ABCC4: variants seen among roughly 807,000 people sequenced by gnomAD.
The protein encoded by ABCC4 is ATP-binding cassette sub-family C member 4.
In ABCC4, 102 loss-of-function variants were observed where a neutral mutation model predicts 168.5. The ratio of observed to expected loss-of-function variants is 0.61; its 90% CI spans 0.52 to 0.71. The LOEUF is 0.71. Ranked by LOEUF, ABCC4 falls within the 30% of genes least tolerant of loss-of-function variation. ABCC4 has a pLI of 0.00. For missense variants in ABCC4, 1,402 were observed against 1,605.8 expected, an observed-to-expected ratio of 0.87 and a Z score of 2.17; for synonymous variants, 617 against 590.7, an observed-to-expected ratio of 1.04 and a Z score of -0.65.
chr13:95,089,704 C>A (rs992494891), intron 20 of ABCC4, among the ~76,000 whole-genome samples: 1 of 152,078 alleles, frequency 6.6e-6, no homozygotes, highest in Non-Finnish European at 1.5e-5. Flanking sequence ...GATTTAAGAT[C>A]TGACAATTAA....
At chr13:95,273,824 T>G (rs1194219508) in intron 1 of ABCC4, among the ~76,000 whole-genome samples, 2 of 150,420 alleles carry the variant, frequency 1.3e-5, no homozygotes, top group African/African-American at 4.9e-5. Flanking sequence ...TTGTTTTTTT[T>G]TTTTTTTTTT....
At chr13:95,123,091 G>C (rs540319920) in intron 19 of ABCC4, among the ~76,000 whole-genome samples, 1 of 152,308 alleles carries the variant, frequency 6.6e-6, no homozygotes, top group East Asian at 1.9e-4. Context: ...CCAACTGGAA[G>C]ATGCTAGGTG....
chr13:95,170,250 A>C (rs2037422242), intron 14 of ABCC4: 1 of 296,980 alleles, frequency 3.4e-6, no homozygotes, highest in Non-Finnish European at 6.2e-6. Flanking sequence ...ATTTCCAAAT[A>C]ATACAATTTG....
At chr13:95,142,377 C>T (rs887356763) in intron 19 of ABCC4, among the ~76,000 whole-genome samples, 2 of 152,144 alleles carry the variant, frequency 1.3e-5, no homozygotes, top group Admixed American at 6.5e-5. Context: ...AGGAGCTAAG[C>T]TATGGGGATG....
chr13:95,143,810 T>C (rs533106940), intron 19 of ABCC4, among the ~76,000 whole-genome samples: 2 of 152,332 alleles, frequency 1.3e-5, no homozygotes, highest in South Asian at 2.1e-4. Flanking sequence ...CGTATGCCCA[T>C]GATAACAGGC....
intron 14 of ABCC4, among the ~76,000 whole-genome samples, chr13:95,169,043 A>G (rs2037379188): frequency 6.6e-6 from 1 of 152,196 alleles, no homozygotes; most frequent in Non-Finnish European, 1.5e-5. Flanking sequence ...CAACAGAGGC[A>G]GAGACTGAAG....
At chr13:95,053,284 T>C in intron 26 of ABCC4, 100 bp from the exon 27 acceptor site, 4 of 903,172 alleles carry the variant, frequency 4.4e-6, no homozygotes, top group Non-Finnish European at 7.2e-6. Flanking sequence ...AAAAATAAAA[T>C]TCATGATAAT....
intron 20 of ABCC4, 47 bp from the exon 21 acceptor site, chr13:95,083,337 T>C (rs1195778244): frequency 2.5e-6 from 4 of 1,599,528 alleles, no homozygotes; most frequent in Non-Finnish European, 3.4e-6. Flanking sequence ...AAGTATTCTT[T>C]TCAAAAATAC....
chr13:95,071,887 A>C, intron 24 of ABCC4, 34 bp from the exon 25 acceptor site: 1 of 1,394,496 alleles, frequency 7.2e-7, no homozygotes, highest in East Asian at 2.6e-5. Context: ...GGGGTTAGGA[A>C]TGGAGGGTGT....
chr13:95,044,277 A>T lies in ABCC4; in HGVS notation c.3618T>A (p.Asn1206Lys). 6.2e-7 allele frequency: 1 copy of T among 1,611,994 alleles called. No individual in the cohort carries two copies. The highest frequency in any genetic ancestry group is 8.5e-7 in the Non-Finnish European group (1 of 1,179,114). The change falls in exon 28 of 31, where the codon AAT (asparagine) becomes AAA (lysine). Residue 1206 changes from asparagine to lysine, a missense_variant. This residue lies in a region of ABCC4 where 1,007 missense variants were observed against 1,127.3 expected (regional missense o/e 0.89). Transcript: ENST00000645237. Reference sequence around the variant, plus strand: ...CCTCAGCTTTATACCTTGGATCCACATTTGCCGTCGCTTCATCAATAATCA... The same window carrying T: ...CCTCAGCTTTATACCTTGGATCCACTTTTGCCGTCGCTTCATCAATAATCA... ...QILIIDEATA[N>K]VDPRTDELIQ...
rs192641377 is a variant in ABCC4 at position 95,272,147 on chromosome 13, T to A, written c.75-24394A>T. The stretch of plus-strand genomic sequence containing the variant: ...GCAACCTCCACCTCCTAGGTTCAAG[T>A]GATTCTCCTGCCTCAGCCTCCTGAG... On this transcript the variant is annotated intron_variant, in intron 1 of 30. Coordinates refer to ENST00000645237, the MANE Select transcript of ABCC4 (RefSeq NM_005845.5). Among the ~76,000 whole-genome samples, 281 of 151,978 alleles carry A rather than the reference T, an allele frequency of 1.8e-3. 5 individuals are homozygous for A. Among genetic ancestry groups the A allele is most frequent in the Admixed American group, 0.012 (190 of 15,262 alleles).
intron 3 of ABCC4, among the ~76,000 whole-genome samples, chr13:95,237,837 G>C (rs1044288468): frequency 2.6e-5 from 4 of 152,084 alleles, no homozygotes; most frequent in Non-Finnish European, 4.4e-5. Flanking sequence ...GAAGATGTTT[G>C]AGTGAAAAAT....
At chr13:95,126,441 T>C (rs927346031) in intron 19 of ABCC4, among the ~76,000 whole-genome samples, 1 of 152,024 alleles carries the variant, frequency 6.6e-6, no homozygotes, top group African/African-American at 2.4e-5. Context: ...CAAAATCGGC[T>C]CTATCTCTAA....
rs564125543 is a variant in ABCC4 at position 95,227,802 on chromosome 13, T to C, written c.531+6808A>G. On this transcript the variant is annotated intron_variant, in intron 4 of 30. Transcript: ENST00000645237. Reference sequence around the variant, plus strand: ...TCAGCTCACTGCAACCTCCACCTCCTGGGTTCAAGCAATTCTTGTGCCTCA... The same window carrying C: ...TCAGCTCACTGCAACCTCCACCTCCCGGGTTCAAGCAATTCTTGTGCCTCA... Among the ~76,000 whole-genome samples, 13 of 152,278 alleles carry C rather than the reference T, an allele frequency of 8.5e-5. No individual in the cohort carries two copies. The South Asian group carries it at 2.5e-3, about 29-fold the overall frequency.
intron 1 of ABCC4, among the ~76,000 whole-genome samples, chr13:95,265,927 A>T (rs371886848): frequency 6.6e-6 from 1 of 152,182 alleles, no homozygotes; most frequent in Non-Finnish European, 1.5e-5. Context: ...AGATTACACA[A>T]AAGGTCGGGC....
chr13:95,146,662 G>A (rs565150364), intron 19 of ABCC4, among the ~76,000 whole-genome samples: 1 of 152,276 alleles, frequency 6.6e-6, no homozygotes, highest in East Asian at 1.9e-4. Flanking sequence ...CAAAGAAGAG[G>A]GTGGATCTAC....
intron 20 of ABCC4, among the ~76,000 whole-genome samples, chr13:95,110,969 G>GAAA (rs758996653): frequency 5.2e-5 from 2 of 38,384 alleles, no homozygotes; most frequent in Non-Finnish European, 1.0e-4. Flanking sequence ...CCCTGTTTCA[G>GAAA]AAAAAAAAAA....
chr13:95,053,664 G>GT, intron 26 of ABCC4: 1 of 163,112 alleles, frequency 6.1e-6, no homozygotes, highest in Non-Finnish European at 1.4e-5. Flanking sequence ...TTCTCCGTTG[G>GT]CAAAACAGTT....
chr13:95,121,177 A>G (rs1300630417), intron 19 of ABCC4, among the ~76,000 whole-genome samples: 1 of 152,122 alleles, frequency 6.6e-6, no homozygotes, highest in Non-Finnish European at 1.5e-5. Flanking sequence ...AATACAGGGC[A>G]ACTCACCCAA....
Sources: gnomAD v4.1 joint callset for allele counts (sites outside exome capture counted in the v4.1 genomes callset) on GRCh38, gnomAD v4.1.1 for gene constraint, gnomAD v4.1.1 regional missense constraint, MANE v1.5 for transcripts, NCBI Gene and HGNC (gene_info 2026-07-23, HGNC 2026-07-21) for gene names.